The following SHISA9 variants were observed in gnomAD, a reference collection of about 807,000 sequenced individuals.
The protein encoded by SHISA9 is protein shisa-9.
A neutral mutation model predicts 38.0 loss-of-function variants in SHISA9; 13 were observed. The observed-to-expected ratio is 0.34, with a 90% CI of 0.22 to 0.54. The LOEUF is 0.54. Ranked by LOEUF, SHISA9 falls within the 20% of genes least tolerant of loss-of-function variation. The probability of loss-of-function intolerance (pLI) is 0.91; values close to 1 mark genes in which losing one functional copy is unlikely to be tolerated. For synonymous variants in SHISA9, 275 were observed against 242.0 expected (o/e 1.14, Z -1.27); for missense variants, 538 against 575.8 (o/e 0.93, Z 0.67).
intron 2 of SHISA9, among the ~76,000 whole-genome samples, chr16:13,150,063 G>C (rs2050485246): frequency 9.0e-6 from 1 of 111,476 alleles, no homozygotes. Context: ...AAACTAGCCT[G>C]TTTTTCTTAG....
chr16:12,973,047 C>T (rs962552271), intron 2 of SHISA9, among the ~76,000 whole-genome samples: 5 of 152,040 alleles, frequency 3.3e-5, no homozygotes, highest in African/African-American at 1.2e-4. Context: ...ACCTGGGAGG[C>T]GGAGGTTGCA....
At chr16:13,304,593 CA>C in the SHISA9 span, among the ~76,000 whole-genome samples, 1 of 152,244 alleles carries the variant, frequency 6.6e-6, no homozygotes, top group African/African-American at 2.4e-5. Context: ...CCTCCTTGGA[CA>C]AAATGACAGA....
intron 2 of SHISA9, among the ~76,000 whole-genome samples, chr16:12,923,675 T>C (rs1337586700): frequency 6.6e-6 from 1 of 151,656 alleles, no homozygotes; most frequent in African/African-American, 2.4e-5. Flanking sequence ...AATAACATAT[T>C]AAAAAATAGA....
intron 2 of SHISA9, among the ~76,000 whole-genome samples, chr16:13,135,881 G>C (rs1204424039): frequency 6.6e-6 from 1 of 152,082 alleles, no homozygotes; most frequent in Non-Finnish European, 1.5e-5. Flanking sequence ...AGGGTTTTGT[G>C]CTTCTGGGGT....
At chr16:13,482,606 C>T in the SHISA9 span, among the ~76,000 whole-genome samples, 2 of 151,898 alleles carry the variant, frequency 1.3e-5, no homozygotes, top group African/African-American at 2.4e-5. Flanking sequence ...TCAAGACCAG[C>T]CTGAGCAACA....
intron 2 of SHISA9, among the ~76,000 whole-genome samples, chr16:13,104,563 C>T (rs558983463): frequency 2.2e-4 from 34 of 152,248 alleles, no homozygotes; most frequent in South Asian, 1.5e-3. Flanking sequence ...ATGGGTGATC[C>T]TCAATAACAG....
chr16:13,101,107 C>T (rs1215080384), intron 2 of SHISA9, among the ~76,000 whole-genome samples: 4 of 152,018 alleles, frequency 2.6e-5, no homozygotes, highest in African/African-American at 7.2e-5. Context: ...TCTATGTTTC[C>T]GGGGCTGTGG....
chr16:13,251,063 T>C, the SHISA9 span, among the ~76,000 whole-genome samples: 1 of 152,122 alleles, frequency 6.6e-6, no homozygotes, highest in East Asian at 1.9e-4. Flanking sequence ...ACCTGCACGA[T>C]AGGGTTCTTC....
chr16:13,073,927 T>C (rs1304572824), intron 2 of SHISA9, among the ~76,000 whole-genome samples: 2 of 151,266 alleles, frequency 1.3e-5, no homozygotes, highest in African/African-American at 4.9e-5. Context: ...TTCTGGCCTC[T>C]AGAACCGTGA....
At chr16:13,463,731 G>T in the SHISA9 span, among the ~76,000 whole-genome samples, 5 of 152,190 alleles carry the variant, frequency 3.3e-5, no homozygotes, top group African/African-American at 4.8e-5. Flanking sequence ...CAGGACTGCT[G>T]GCTGCTCAGG....
chr16:13,113,660 T>C (rs940844894), intron 2 of SHISA9, among the ~76,000 whole-genome samples: 9 of 152,186 alleles, frequency 5.9e-5, no homozygotes, highest in Admixed American at 5.9e-4. Flanking sequence ...GTGCTTAATA[T>C]TCAGTTGCTG....
At chr16:13,339,621 G>A in the SHISA9 span, among the ~76,000 whole-genome samples, 1 of 152,046 alleles carries the variant, frequency 6.6e-6, no homozygotes, top group Non-Finnish European at 1.5e-5. Flanking sequence ...TTTTGTTTGT[G>A]TGTGTTTGTT....
At chr16:13,049,504 A>G (rs2073226470) in intron 2 of SHISA9, among the ~76,000 whole-genome samples, 1 of 152,068 alleles carries the variant, frequency 6.6e-6, no homozygotes, top group Non-Finnish European at 1.5e-5. Context: ...AGGGAGGAAA[A>G]TGTGTCCCTG....
the SHISA9 span, among the ~76,000 whole-genome samples, chr16:13,448,246 T>A: frequency 2.0e-5 from 3 of 152,204 alleles, no homozygotes; most frequent in African/African-American, 2.4e-5. Context: ...AGCATGCACA[T>A]GTACCCTGGT....
rs146379338 is a variant in SHISA9, at chr16:13,130,047, A to G, written c.692-73347A>G. Among the ~76,000 whole-genome samples the G allele has an allele frequency of 2.0e-5, 3 of 152,280 alleles. No individual in the cohort carries two copies. The East Asian group carries it at 5.8e-4, about 29-fold the overall frequency. Reference sequence around the variant, plus strand: ...AGTTGAATGACCCTCACAATTTTCAAAGAACTTTCATGTATTGAAATTTCT... The same window carrying G: ...AGTTGAATGACCCTCACAATTTTCAGAGAACTTTCATGTATTGAAATTTCT... On this transcript the variant is annotated intron_variant, in intron 2 of 4. Transcript: ENST00000558583.
At chr16:13,505,870 G>T in the SHISA9 span, among the ~76,000 whole-genome samples, 3 of 152,134 alleles carry the variant, frequency 2.0e-5, no homozygotes, top group Non-Finnish European at 4.4e-5. Context: ...GGGAGGTGTT[G>T]ACCCATCTTT....
At chr16:12,910,829 A>G in intron 1 of SHISA9, 1 of 693,328 alleles carries the variant, frequency 1.4e-6, no homozygotes, top group Non-Finnish European at 1.8e-6. Context: ...TACTTGTACA[A>G]GTCTGAAGGC....
At chr16:13,129,344 T>C (rs959824243) in intron 2 of SHISA9, among the ~76,000 whole-genome samples, 7 of 152,198 alleles carry the variant, frequency 4.6e-5, no homozygotes, top group African/African-American at 1.7e-4. Flanking sequence ...CAGGCAGCTT[T>C]CATCCTCTGG....
chr16:13,251,520 G>A, the SHISA9 span, among the ~76,000 whole-genome samples: 2 of 152,072 alleles, frequency 1.3e-5, no homozygotes, highest in Admixed American at 6.5e-5. Context: ...GGGGAGAGGG[G>A]TATTGGAGAT....
Sources: gnomAD v4.1 joint callset for allele counts (sites outside exome capture counted in the v4.1 genomes callset) on GRCh38, gnomAD v4.1.1 for gene constraint, MANE v1.5 for transcripts, NCBI Gene and HGNC (gene_info 2026-07-23, HGNC 2026-07-21) for gene names.